SNAP91: variants seen among roughly 807,000 people sequenced by gnomAD.
SNAP91 encodes the protein synaptosome associated protein 91, also known as clathrin coat assembly protein AP180.
SNAP91 carries 27 observed loss-of-function variants against 100.3 expected under a neutral mutation model. The observed-to-expected ratio is 0.27, with a 90% CI of 0.20 to 0.37. SNAP91 has a LOEUF of 0.37. SNAP91 is among the 10% of genes least tolerant of loss of function. The probability of loss-of-function intolerance (pLI) is 1.00; values close to 1 mark genes in which losing one functional copy is unlikely to be tolerated. For missense variants in SNAP91, 986 were observed against 1,123.7 expected (o/e 0.88, Z 1.75); for synonymous variants, 404 against 398.6 (o/e 1.01, Z -0.16).
chr6:83,668,665 C>A (rs2098730708), intron 2 of SNAP91, among the ~76,000 whole-genome samples: 1 of 152,094 alleles, frequency 6.6e-6, no homozygotes, highest in Non-Finnish European at 1.5e-5. Flanking sequence ...GAACATCACA[C>A]ACCGGGGCCT....
chr6:83,698,921 A>G (rs916184028), intron 2 of SNAP91, among the ~76,000 whole-genome samples: 1 of 152,230 alleles, frequency 6.6e-6, no homozygotes, highest in Admixed American at 6.5e-5. Context: ...TAAAGACTAT[A>G]TATGGTCAAC....
intron 10 of SNAP91, 63 bp downstream of exon 10, chr6:83,616,906 T>A (rs1392476659): frequency 1.8e-6 from 2 of 1,104,108 alleles, no homozygotes; most frequent in African/African-American, 3.2e-5. Context: ...ATGATAAATC[T>A]CATTCTTAGA....
intron 2 of SNAP91, among the ~76,000 whole-genome samples, chr6:83,680,433 C>A (rs1450915808): frequency 6.6e-6 from 1 of 152,000 alleles, no homozygotes; most frequent in East Asian, 1.9e-4. Context: ...TCTGATGACC[C>A]AACTCTTTTT....
chr6:83,609,970 A>G (rs986521492), intron 12 of SNAP91, among the ~76,000 whole-genome samples: 2 of 152,230 alleles, frequency 1.3e-5, no homozygotes, highest in Non-Finnish European at 2.9e-5. Flanking sequence ...TAGTCCAAAC[A>G]AAGGACTAAA....
chr6:83,614,822 C>A, intron 11 of SNAP91, 35 bp downstream of exon 11: 5 of 1,529,672 alleles, frequency 3.3e-6, no homozygotes, highest in Non-Finnish European at 4.4e-6. Context: ...TTAGTAATTA[C>A]CAAATGCAAA....
At chr6:83,608,522 T>C (rs1478329654) in intron 12 of SNAP91, among the ~76,000 whole-genome samples, 1 of 152,110 alleles carries the variant, frequency 6.6e-6, no homozygotes, top group African/African-American at 2.4e-5. Flanking sequence ...AAGAGAAAGA[T>C]TAATGGAACA....
intron 26 of SNAP91, 108 bp downstream of exon 26, chr6:83,574,902 G>T: frequency 1.5e-6 from 1 of 659,882 alleles, no homozygotes; most frequent in Non-Finnish European, 2.6e-6. Context: ...CTTCAATGCA[G>T]AGGAATAAGT....
At chr6:83,579,977 T>C (rs1159411841) in intron 24 of SNAP91, among the ~76,000 whole-genome samples, 2 of 152,198 alleles carry the variant, frequency 1.3e-5, no homozygotes, top group African/African-American at 4.8e-5. Flanking sequence ...AGTACAGACA[T>C]TTTTATCTGT....
chr6:83,677,999 C>A (rs10455145), intron 2 of SNAP91, among the ~76,000 whole-genome samples: 87 of 152,252 alleles, frequency 5.7e-4, no homozygotes, highest in Middle Eastern at 3.4e-3. Flanking sequence ...CCTTTGCTGA[C>A]TTTGTTGCTA....
At chr6:83,611,556 T>C in intron 11 of SNAP91, 1 of 382,622 alleles carries the variant, frequency 2.6e-6, no homozygotes. Flanking sequence ...TTTTTACTCA[T>C]CTACAGAGAA....
chr6:83,678,854 G>A lies in SNAP91; in HGVS notation c.131-13273C>T, dbSNP rs75545637. The A allele has an allele frequency of 2.0e-3, 2,537 of 1,264,826 alleles. 33 individuals carry two copies. The African/African-American group carries it at 0.035, about 17-fold the overall frequency. 78.4% of individuals were successfully genotyped at this position (1,264,826 alleles called of 1,614,324 possible). ...TAAAAATCCAAGTCTGTTTTCTCTC[G>A]GAAGTACCAAGGAATACAACTTTAG... On this transcript the variant is annotated intron_variant, in intron 2 of 29. Transcript: ENST00000369694.
intron 8 of SNAP91, among the ~76,000 whole-genome samples, chr6:83,637,958 G>T (rs541772297): frequency 1.3e-5 from 2 of 152,278 alleles, no homozygotes; most frequent in East Asian, 3.9e-4. Flanking sequence ...CAGGCCACCA[G>T]CAAAACACTC....
intron 8 of SNAP91, among the ~76,000 whole-genome samples, chr6:83,633,880 C>T (rs1315582452): frequency 3.3e-5 from 5 of 151,158 alleles, no homozygotes; most frequent in Admixed American, 6.6e-5. Flanking sequence ...CACCCTCCCC[C>T]GAGTTCTGGC....
rs764680937 is a variant in SNAP91 at position 83,641,213 on chromosome 6, TAA to T, written c.659-13_659-12del. On this transcript the variant is annotated splice_polypyrimidine_tract_variant and intron_variant, in intron 7 of 29. Coordinates refer to ENST00000369694, the MANE Select transcript of SNAP91 (RefSeq NM_001242792.2). ...TTTCAAAAAACTTTTCTAGAGAAGA[TAA>T]AGAGATAAGCAATTTGAAAAGAGTA... 8 of 1,221,430 alleles carry T rather than the reference TAA, an allele frequency of 6.5e-6. No individual in the cohort carries two copies. The highest frequency in any genetic ancestry group is 1.5e-5 in the South Asian group (1 of 66,970). The allele number at this position is 1,221,430 out of a possible 1,614,324, so 75.7% of individuals were successfully genotyped here.
At chr6:83,676,963 A>G (rs774409704) in intron 2 of SNAP91, among the ~76,000 whole-genome samples, 8 of 152,184 alleles carry the variant, frequency 5.3e-5, no homozygotes, top group Non-Finnish European at 1.2e-4. Context: ...GGGAAAGAGG[A>G]CATTAGATAC....
rs143677530 is a variant in SNAP91 at position 83,677,066 on chromosome 6, G to A, written c.131-11485C>T. 1.6e-4 allele frequency among the ~76,000 whole-genome samples: 24 copies of A among 152,286 alleles called. 1 individual carries two copies. In the East Asian group the frequency reaches 4.6e-3, roughly 29 times the overall value. On this transcript the variant is annotated intron_variant, in intron 2 of 29. Transcript: ENST00000369694. ...TCTGGAAAAAGGAAAGAAAAACACT[G>A]TAGGTGAGCCGTGCTTGTATCTAGT...
At chr6:83,644,965 A>C (rs2097857673) in intron 7 of SNAP91, among the ~76,000 whole-genome samples, 1 of 152,200 alleles carries the variant, frequency 6.6e-6, no homozygotes, top group South Asian at 2.1e-4. Context: ...TAGTCTGAGC[A>C]TCTGGGAGTG....
intron 2 of SNAP91, among the ~76,000 whole-genome samples, chr6:83,680,685 T>C (rs1262776803): frequency 6.6e-6 from 1 of 152,182 alleles, no homozygotes; most frequent in Non-Finnish European, 1.5e-5. Context: ...TTGGCACTAC[T>C]GATATTTTGG....
At chr6:83,657,552 A>G (rs1398230739) in intron 6 of SNAP91, among the ~76,000 whole-genome samples, 1 of 152,186 alleles carries the variant, frequency 6.6e-6, no homozygotes, top group Non-Finnish European at 1.5e-5. Flanking sequence ...AAAAAATAAG[A>G]TGGTTTGCTG....
Sources: allele counts gnomAD v4.1 joint callset (sites outside exome capture counted in the v4.1 genomes callset), GRCh38; gene constraint gnomAD v4.1.1; transcripts MANE v1.5; gene names NCBI Gene and HGNC (gene_info 2026-07-23, HGNC 2026-07-21).